Variants in CATSPER3 observed in about 807,000 individuals in gnomAD.
The protein encoded by CATSPER3 is cation channel sperm associated 3.
Under a neutral mutation model 36.6 loss-of-function variants are expected in CATSPER3, and 23 were observed. The ratio of observed to expected loss-of-function variants is 0.63; its 90% CI spans 0.45 to 0.89. The LOEUF is 0.89. Among genes scored for constraint, CATSPER3 ranks in the 40% least tolerant of loss-of-function variants. The probability of loss-of-function intolerance (pLI) is 0.00; values close to 1 mark genes in which losing one functional copy is unlikely to be tolerated. For missense variants in CATSPER3, 474 were observed against 503.9 expected (o/e 0.94, Z 0.57); for synonymous variants, 172 against 184.1 (o/e 0.93, Z 0.53).
In CATSPER3 at chr5:134,969,888, G is replaced by T. The variant is rs1479829947; in HGVS notation, c.99-51G>T. On this transcript the variant is annotated intron_variant, in intron 1 of 7. Coordinates refer to ENST00000282611, the MANE Select transcript of CATSPER3 (RefSeq NM_178019.3). ...TACAAAAAGGTATGCATTTTATGGG[G>T]ATCTAGCTCTATTGTGCTGTAACCA... 1.9e-6 allele frequency: 3 copies of T among 1,597,762 alleles called. No homozygotes were observed. The South Asian group carries it at 3.3e-5, about 18-fold the overall frequency.
chr5:135,009,565 G>C, intron 6 of CATSPER3, 75 bp downstream of exon 6: 10 of 1,520,116 alleles, frequency 6.6e-6, no homozygotes, highest in African/African-American at 2.7e-5. Context: ...AGGAGGAGGG[G>C]CCGTGGTGCC....
intron 2 of CATSPER3, among the ~76,000 whole-genome samples, chr5:134,972,265 G>A (rs374834929): frequency 1.5e-4 from 23 of 152,116 alleles, no homozygotes; most frequent in African/African-American, 2.9e-4. Context: ...CAAATATTCC[G>A]AAATCCAAAA....
At chr5:134,976,461 A>G (rs893853607) in intron 2 of CATSPER3, among the ~76,000 whole-genome samples, 1 of 151,808 alleles carries the variant, frequency 6.6e-6, no homozygotes. Context: ...GGCCTTGGGA[A>G]GCTCCACCCC....
rs774010980 is a variant in CATSPER3, at chr5:135,008,947, A to G, written c.782A>G (p.Asn261Ser). Residue 261 changes from asparagine to serine, a missense_variant, in exon 5 of 8, where the codon AAC becomes AGC. Asn to Ser is a conservative substitution (Grantham distance 46). Transcript: ENST00000282611. ...TTGCTCGCCTCTTTCATCTTCCTCA[A>G]CATGTTCGTGGGTGTGATGATCATG... is the stretch of plus-strand genomic sequence containing the variant. The part of the protein sequence containing the change: ...FILLASFIFL[N>S]MFVGVMIMHT... 8.1e-6 allele frequency: 13 copies of G among 1,613,860 alleles called. No homozygotes were observed. Among genetic ancestry groups the G allele is most frequent in the East Asian group, 2.2e-5 (1 of 44,868 alleles).
At chr5:135,001,791 C>CT (rs1752022917) in intron 3 of CATSPER3, among the ~76,000 whole-genome samples, 1 of 152,044 alleles carries the variant, frequency 6.6e-6, no homozygotes, top group African/African-American at 2.4e-5. Flanking sequence ...CAACCCCTGC[C>CT]TTTTTTTGTT....
At chr5:134,978,796 T>C (rs371280539) in intron 2 of CATSPER3, among the ~76,000 whole-genome samples, 70 of 151,950 alleles carry the variant, frequency 4.6e-4, no homozygotes, top group African/African-American at 1.6e-3. Context: ...CTTGGCTCAC[T>C]GCAAGCTCCG....
At chr5:134,994,983 T>C (rs1438688464) in intron 2 of CATSPER3, among the ~76,000 whole-genome samples, 1 of 150,826 alleles carries the variant, frequency 6.6e-6, no homozygotes, top group African/African-American at 2.4e-5. Context: ...CCTTTCTTTC[T>C]TTCCTTCCTC....
In CATSPER3 at chr5:135,009,434, A is replaced by G; in HGVS notation, c.880A>G (p.Lys294Glu). The G allele has an allele frequency of 6.2e-7, 1 of 1,613,118 alleles. No homozygotes were observed. Among genetic ancestry groups the G allele is most frequent in the Non-Finnish European group, 8.5e-7 (1 of 1,179,370 alleles). Residue 294 changes from lysine to glutamate, a missense_variant, in exon 6 of 8, where the codon AAG (lysine) becomes GAG (glutamate). Lys to Glu is a moderately conservative substitution (Grantham distance 56, BLOSUM62 1). Coordinates refer to ENST00000282611, the MANE Select transcript of CATSPER3 (RefSeq NM_178019.3). The stretch of plus-strand genomic sequence containing the variant: ...GCAGCAGGAGATGCTCATGGGAGAG[A>G]AGCAGGTGATTCTGCAGCGGCAGCA... ...LEQQEMLMGEKQVILQRQQEE... is the reference protein window; with the variant it reads ...LEQQEMLMGEEQVILQRQQEE...
At chr5:134,984,193 C>G (rs1371777831) in intron 2 of CATSPER3, among the ~76,000 whole-genome samples, 2 of 152,222 alleles carry the variant, frequency 1.3e-5, no homozygotes, top group Non-Finnish European at 2.9e-5. Flanking sequence ...TAGAAGGCAA[C>G]CTGGGAAAAA....
intron 3 of CATSPER3, among the ~76,000 whole-genome samples, chr5:135,000,013 T>G (rs1241007267): frequency 6.6e-6 from 1 of 152,200 alleles, no homozygotes. Flanking sequence ...GCTTCCAGTT[T>G]TTGCGCATTC....
rs1751945047 is a variant in CATSPER3 at position 134,996,311 on chromosome 5, G to A, written c.291G>A (p.Glu97=). 1.9e-6 allele frequency: 3 copies of A among 1,614,258 alleles called. No homozygotes were observed. The highest frequency in any genetic ancestry group is 1.6e-4 in the Middle Eastern group (1 of 6,062). The change falls in exon 3 of 8, where the codon GAG becomes GAA. Residue 97 remains glutamate (E), a synonymous_variant. Coordinates refer to ENST00000282611, the MANE Select transcript of CATSPER3 (RefSeq NM_178019.3). ...TCTTTGTGTCCATCTGCACATCTGAGTTGTCCATGAAGGTCTATGTGGACC... is the reference window on the plus strand; with the variant it reads ...TCTTTGTGTCCATCTGCACATCTGAATTGTCCATGAAGGTCTATGTGGACC... The part of the protein sequence containing the change: ...EIFFVSICTS[E]LSMKVYVDPI...
chr5:135,004,470 G>A (rs1387856688), intron 3 of CATSPER3, among the ~76,000 whole-genome samples: 1 of 152,244 alleles, frequency 6.6e-6, no homozygotes, highest in Non-Finnish European at 1.5e-5. Flanking sequence ...GGAGTCAGCA[G>A]GGATGAGAGG....
chr5:135,010,521 C>A lies in CATSPER3; in HGVS notation c.1085C>A (p.Thr362Asn). Residue 362 changes from threonine (T) to asparagine (N), a missense_variant, in exon 7 of 8, where the codon ACT becomes AAT. Transcript: ENST00000282611. ...TCCACTCTGGACTACCAGGACACAA[C>A]TGTCCACAAGTCAGTTCCAGCCCCA... ...YFSTLDYQDT[T>N]VHKLQELYYE... 1 of 1,614,164 alleles carries A rather than the reference C, an allele frequency of 6.2e-7. No homozygotes were observed.
At chr5:135,000,598 G>A (rs1193386387) in intron 3 of CATSPER3, among the ~76,000 whole-genome samples, 1 of 152,212 alleles carries the variant, frequency 6.6e-6, no homozygotes, top group Non-Finnish European at 1.5e-5. Context: ...CAATTTCAGA[G>A]CCTGTTATTG....
At chr5:134,991,693 A>G (rs1305609079) in intron 2 of CATSPER3, among the ~76,000 whole-genome samples, 1 of 152,258 alleles carries the variant, frequency 6.6e-6, no homozygotes, top group African/African-American at 2.4e-5. Context: ...CTTTTAGAAG[A>G]AAACATAGGG....
chr5:134,998,140 G>C (rs1348525992), intron 3 of CATSPER3, among the ~76,000 whole-genome samples: 3 of 151,968 alleles, frequency 2.0e-5, no homozygotes, highest in Admixed American at 2.0e-4. Flanking sequence ...TCATTGTTCA[G>C]TTCCCACCTA....
At chr5:134,973,690 T>C (rs1008801623) in intron 2 of CATSPER3, among the ~76,000 whole-genome samples, 2 of 152,146 alleles carry the variant, frequency 1.3e-5, no homozygotes, top group African/African-American at 4.8e-5. Flanking sequence ...TGAGCTCCAA[T>C]AAGAAGAATA....
chr5:135,001,599 G>T (rs1405824684), intron 3 of CATSPER3, among the ~76,000 whole-genome samples: 1 of 152,180 alleles, frequency 6.6e-6, no homozygotes, highest in Non-Finnish European at 1.5e-5. Context: ...GGGAGTCTAA[G>T]TCTCTTTGTA....
intron 6 of CATSPER3, among the ~76,000 whole-genome samples, 179 bp from the exon 7 acceptor site, chr5:135,010,194 C>T (rs919504113): frequency 2.0e-5 from 3 of 152,170 alleles, no homozygotes; most frequent in African/African-American, 4.8e-5. Context: ...ATGGTGGCCG[C>T]CTCACCCCGG....
Sources: gnomAD v4.1 joint callset for allele counts (sites outside exome capture counted in the v4.1 genomes callset) on GRCh38, gnomAD v4.1.1 for gene constraint, MANE v1.5 for transcripts, NCBI Gene and HGNC (gene_info 2026-07-23, HGNC 2026-07-21) for gene names.